Variants in ARSF observed in about 807,000 individuals in gnomAD.
ARSF encodes arylsulfatase F.
ARSF carries 33 observed loss-of-function variants against 35.4 expected under a neutral mutation model. The ratio of observed to expected loss-of-function variants is 0.93; its 90% CI spans 0.71 to 1.25. The LOEUF (loss-of-function observed/expected upper bound fraction) is 1.25, where lower values mean the gene tolerates loss of function less well. Ranked by LOEUF, ARSF falls within the 50% of genes most tolerant of loss-of-function variation. The pLI, the probability that ARSF is intolerant of heterozygous loss-of-function variation, is 0.00. For missense variants in ARSF, 501 were observed against 480.2 expected, an observed-to-expected ratio of 1.04 and a Z score of -0.40; for synonymous variants, 222 against 193.1, an observed-to-expected ratio of 1.15 and a Z score of -1.24.
At chrX:3,051,252 G>T (rs1264128885) in intron 1 of ARSF, among the ~76,000 whole-genome samples, 2 of 111,790 alleles carry the variant, frequency 1.8e-5, no homozygotes, top group African/African-American at 6.5e-5. Flanking sequence ...GTATTGAGGG[G>T]TGTCTTATGT....
At chrX:3,079,725 T>C (rs1349412401) in intron 4 of ARSF, among the ~76,000 whole-genome samples, 1 of 107,698 alleles carries the variant, frequency 9.3e-6, no homozygotes, top group African/African-American at 3.4e-5. Flanking sequence ...TTTGGGAAGC[T>C]GAGGAGGGCA....
intron 4 of ARSF, among the ~76,000 whole-genome samples, chrX:3,078,986 T>A (rs1199543592): frequency 9.0e-6 from 1 of 110,736 alleles, no homozygotes; most frequent in African/African-American, 3.3e-5. Context: ...ACTTTCCGTC[T>A]CTACAAACAT....
At chrX:3,054,022 A>G (rs887390841) in intron 1 of ARSF, among the ~76,000 whole-genome samples, 6 of 110,699 alleles carry the variant, frequency 5.4e-5, no homozygotes, top group Non-Finnish European at 3.8e-5. Context: ...TCGGCCTTCC[A>G]AAGTGCTGGG....
intron 7 of ARSF, among the ~76,000 whole-genome samples, chrX:3,096,822 C>T: frequency 9.2e-6 from 1 of 108,710 alleles, no homozygotes; most frequent in African/African-American, 3.3e-5. Context: ...TACATCCCCC[C>T]AAAAAGGTAT....
At position 3,072,450 on chromosome X, in the gene ARSF, A is replaced by G. The variant is rs974255129; in HGVS notation, c.161+275A>G. On this transcript the variant is annotated intron_variant, in intron 3 of 10. Coordinates refer to ENST00000381127, the MANE Select transcript of ARSF (RefSeq NM_001201539.2). ...TACACAGTGAGGTTTGGATACATAC[A>G]AAGTATAGTGATCAGATCAGGGTAA... is the stretch of plus-strand genomic sequence containing the variant. Among the ~76,000 whole-genome samples, 9 of 111,540 alleles carry G rather than the reference A, an allele frequency of 8.1e-5. No individual in the cohort carries two copies. The East Asian group carries it at 2.5e-3, about 31-fold the overall frequency.
At chrX:3,040,347 T>C, upstream of ARSF, among the ~76,000 whole-genome samples, 1 of 110,310 alleles carries the variant, frequency 9.1e-6, no homozygotes, top group Admixed American at 9.8e-5. Context: ...AACCGGTGAG[T>C]CCTCTGCAGC....
At chrX:3,056,441 A>G (rs2147479768) in intron 1 of ARSF, among the ~76,000 whole-genome samples, 1 of 108,430 alleles carries the variant, frequency 9.2e-6, no homozygotes, top group Admixed American at 9.9e-5. Context: ...ACACCTGGCT[A>G]ATTTTTATAT....
chrX:3,071,335 G>A lies in ARSF; in HGVS notation c.12-691G>A, dbSNP rs375458986. On this transcript the variant is annotated intron_variant, in intron 2 of 10. Transcript: ENST00000381127. ...TTGTTGTTGTTTTTGATGGAACCTC[G>A]GTCCGTCACCCAGGCTGGAGTGCAG... is the stretch of plus-strand genomic sequence containing the variant. Among the ~76,000 whole-genome samples, 205 of 110,326 alleles carry A rather than the reference G, an allele frequency of 1.9e-3. 1 individual carries two copies. Among genetic ancestry groups the A allele is most frequent in the African/African-American group, 5.6e-3 (170 of 30,342 alleles).
In ARSF at chrX:3,107,233, A is replaced by G. The variant is rs1245596142; in HGVS notation, c.1266-2895A>G. On this transcript the variant is annotated intron_variant, in intron 9 of 10. Transcript: ENST00000381127. ...AGAAAATCATTGTAATATTCAGATAAGAAAATAATTTTTTTAGATTTATCA... is the reference window on the plus strand; with the variant it reads ...AGAAAATCATTGTAATATTCAGATAGGAAAATAATTTTTTTAGATTTATCA... 4.5e-5 allele frequency among the ~76,000 whole-genome samples: 5 copies of G among 111,841 alleles called. No homozygotes were observed. In the Admixed American group the frequency reaches 4.8e-4, roughly 11 times the overall value.
rs1463632304 is a variant in ARSF, at chrX:3,102,905, C to T, written c.1103-857C>T. Among the ~76,000 whole-genome samples the T allele has an allele frequency of 6.6e-5, 7 of 105,473 alleles. No individual in the cohort carries two copies. In the East Asian group the frequency reaches 1.2e-3, roughly 18 times the overall value. 91.6% of individuals were successfully genotyped at this position (105,473 alleles called of 115,157 possible). On this transcript the variant is annotated intron_variant, in intron 8 of 10. Transcript: ENST00000381127. ...CCAGCCTGGCAACAGAGCGAGACTC[C>T]ATCTCAAAAAAAAAAAAATTAACTT...
intron 1 of ARSF, among the ~76,000 whole-genome samples, chrX:3,052,721 A>G (rs1489717303): frequency 1.5e-4 from 17 of 110,142 alleles, no homozygotes; most frequent in Non-Finnish European, 1.9e-5. Flanking sequence ...ACATTCAAAG[A>G]AGTCAAAATA....
intron 1 of ARSF, among the ~76,000 whole-genome samples, chrX:3,057,151 A>G (rs979474772): frequency 2.7e-5 from 3 of 112,494 alleles, no homozygotes; most frequent in African/African-American, 9.7e-5. Context: ...GCAAAATGAC[A>G]TGTGTCATAT....
At chrX:3,057,311 G>T (rs972274614) in intron 1 of ARSF, among the ~76,000 whole-genome samples, 2 of 111,839 alleles carry the variant, frequency 1.8e-5, no homozygotes, top group African/African-American at 3.2e-5. Flanking sequence ...TTTTTCCCCA[G>T]AAACTCTGAC....
chrX:3,057,000 G>A (rs1456916253), intron 1 of ARSF, among the ~76,000 whole-genome samples: 1 of 111,476 alleles, frequency 9.0e-6, no homozygotes, highest in Non-Finnish European at 1.9e-5. Context: ...GTCTACCCTG[G>A]AAGTCAGATG....
chrX:3,105,525 C>T (rs905383949), intron 9 of ARSF, among the ~76,000 whole-genome samples: 1 of 111,888 alleles, frequency 8.9e-6, no homozygotes, highest in Non-Finnish European at 1.9e-5. Context: ...AGTGCAGTGG[C>T]ACGATCTCAG....
intron 2 of ARSF, among the ~76,000 whole-genome samples, 185 bp from the exon 3 acceptor site, chrX:3,071,841 G>A (rs2090106530): frequency 1.8e-5 from 2 of 111,335 alleles, no homozygotes; most frequent in African/African-American, 6.5e-5. Context: ...AACGCATTAC[G>A]TTGGGCACTT....
chrX:3,040,398 G>C (rs1180273811), upstream of ARSF, among the ~76,000 whole-genome samples: 3 of 110,703 alleles, frequency 2.7e-5, no homozygotes, highest in African/African-American at 9.9e-5. Flanking sequence ...GGTTCATTCT[G>C]AGCTGTTTTT....
intron 9 of ARSF, among the ~76,000 whole-genome samples, chrX:3,108,793 G>A (rs1317612458): frequency 1.8e-5 from 2 of 111,578 alleles, no homozygotes; most frequent in Non-Finnish European, 3.8e-5. Flanking sequence ...AAGGCAGATA[G>A]GTCACCTGAG....
chrX:3,040,533 G>A (rs2089951218), upstream of ARSF, among the ~76,000 whole-genome samples: 1 of 111,467 alleles, frequency 9.0e-6, no homozygotes, highest in Non-Finnish European at 1.9e-5. Context: ...ATTGGCCTGT[G>A]AGTACATTTG....
Sources: gnomAD v4.1 joint callset for allele counts (sites outside exome capture counted in the v4.1 genomes callset) on GRCh38, gnomAD v4.1.1 for gene constraint, MANE v1.5 for transcripts, NCBI Gene and HGNC (gene_info 2026-07-23, HGNC 2026-07-21) for gene names.